The following CDH13 variants were observed in gnomAD, a reference collection of about 807,000 sequenced individuals.
CDH13 encodes cadherin-13.
A neutral mutation model predicts 63.8 loss-of-function variants in CDH13; 24 were observed. The observed-to-expected ratio is 0.38, with a 90% confidence interval of 0.27 to 0.53. The LOEUF is 0.53. Among genes scored for constraint, CDH13 ranks in the 20% least tolerant of loss-of-function variants. The probability of loss-of-function intolerance (pLI) is 0.85; values close to 1 mark genes in which losing one functional copy is unlikely to be tolerated. For missense variants in CDH13, 1,049 were observed against 903.1 expected (o/e 1.16, Z -2.07); for synonymous variants, 503 against 355.3 (o/e 1.42, Z -4.67).
rs1491151402 is a variant in CDH13, at chr16:83,014,839, T to TG, written c.158-17171_158-17170insG. ...TTGTATATATATATTTGTATATATA[T>TG]TTGTATATATATATTTGTATATATA... is the stretch of plus-strand genomic sequence containing the variant. On this transcript the variant is annotated intron_variant, in intron 2 of 13. Transcript: ENST00000567109. 1.2e-3 allele frequency among the ~76,000 whole-genome samples: 55 copies of TG among 46,170 alleles called. 2 individuals are homozygous for TG. The highest frequency in any genetic ancestry group is 5.7e-3 in the Admixed American group (19 of 3,360). The allele number at this position is 46,170 out of a possible 152,430, so 30.3% of individuals were successfully genotyped here. A position where few individuals can be genotyped will look rare whatever the true frequency, so the allele number is the denominator to read the frequency against.
At chr16:83,273,000 A>G (rs2088872080) in intron 5 of CDH13, among the ~76,000 whole-genome samples, 1 of 150,326 alleles carries the variant, frequency 6.7e-6, no homozygotes, top group African/African-American at 2.5e-5. Context: ...CCCAATCTGC[A>G]GTGTGACTGG....
intron 6 of CDH13, among the ~76,000 whole-genome samples, chr16:83,435,029 G>A (rs2072252454): frequency 8.4e-6 from 1 of 119,522 alleles, no homozygotes; most frequent in Non-Finnish European, 1.8e-5. Context: ...ATATATGAAG[G>A]AACATAGGGT....
intron 7 of CDH13, among the ~76,000 whole-genome samples, chr16:83,528,793 G>T (rs796297909): frequency 2.6e-5 from 4 of 152,112 alleles, no homozygotes; most frequent in African/African-American, 9.7e-5. Context: ...TCCATGTCTC[G>T]TTTAGCATTG....
intron 1 of CDH13, among the ~76,000 whole-genome samples, chr16:82,799,725 G>GA (rs569829413): frequency 1.1e-3 from 164 of 152,240 alleles, no homozygotes; most frequent in Non-Finnish European, 2.0e-3. Flanking sequence ...TTTACAAATA[G>GA]AAAAAAATAT....
intron 10 of CDH13, among the ~76,000 whole-genome samples, chr16:83,686,691 T>A (rs1292684827): frequency 6.6e-6 from 1 of 152,140 alleles, no homozygotes; most frequent in Non-Finnish European, 1.5e-5. Flanking sequence ...AAACATGTGA[T>A]AGGAAAAAAA....
At chr16:83,224,866 C>T (rs759426834) in intron 5 of CDH13, among the ~76,000 whole-genome samples, 9 of 152,250 alleles carry the variant, frequency 5.9e-5, no homozygotes, top group Middle Eastern at 3.4e-3. Context: ...GAATTGGGAG[C>T]CAGCCTGCCA....
At position 83,041,968 on chromosome 16, in the gene CDH13, CCT is replaced by C. The variant is rs1298535753; in HGVS notation, c.366+9753_366+9754del. Among the ~76,000 whole-genome samples the C allele has an allele frequency of 2.0e-5, 3 of 152,188 alleles. No individual in the cohort carries two copies. In the South Asian group the frequency reaches 6.2e-4, roughly 32 times the overall value. ...TGCTATCACTTCTATACATTTTTCC[CCT>C]CTTTCCTGATCTCACACGTTCTAGA... On this transcript the variant is annotated intron_variant, in intron 3 of 13. Transcript: ENST00000567109.
chr16:83,569,354 C>T (rs1394199039), intron 7 of CDH13, among the ~76,000 whole-genome samples: 1 of 152,152 alleles, frequency 6.6e-6, no homozygotes, highest in African/African-American at 2.4e-5. Context: ...ACAGATTGTC[C>T]CTGTAAGCCA....
intron 5 of CDH13, among the ~76,000 whole-genome samples, chr16:83,326,540 C>A (rs1311421794): frequency 6.6e-6 from 1 of 151,116 alleles, no homozygotes; most frequent in African/African-American, 2.4e-5. Flanking sequence ...TTCAACCGAA[C>A]AAAATTCAGA....
At chr16:82,696,716 T>C (rs748706964) in intron 1 of CDH13, among the ~76,000 whole-genome samples, 1 of 152,252 alleles carries the variant, frequency 6.6e-6, no homozygotes, top group Admixed American at 6.5e-5. Context: ...TATCTATGTA[T>C]GTTAATTATC....
intron 7 of CDH13, among the ~76,000 whole-genome samples, chr16:83,601,872 A>G (rs1369797172): frequency 6.6e-6 from 1 of 152,048 alleles, no homozygotes; most frequent in Admixed American, 6.6e-5. Context: ...AGGCAGGCAG[A>G]TCACGAGGTC....
At position 83,484,187 on chromosome 16, in the gene CDH13, A is replaced by G. The variant is rs1040102659; in HGVS notation, c.782-2290A>G. 1.4e-4 allele frequency among the ~76,000 whole-genome samples: 22 copies of G among 151,858 alleles called. 1 individual carries two copies. The highest frequency in any genetic ancestry group is 4.4e-4 in the African/African-American group (18 of 41,234). The stretch of plus-strand genomic sequence containing the variant: ...GATACTCTGATTCCAGTGGTGGGGG[A>G]AAAAAAACTGGCTTTGATGATTAGA... On this transcript the variant is annotated intron_variant, in intron 6 of 13. Transcript: ENST00000567109.
chr16:83,169,547 A>C (rs2037833593), intron 4 of CDH13, among the ~76,000 whole-genome samples: 1 of 148,740 alleles, frequency 6.7e-6, no homozygotes, highest in African/African-American at 2.6e-5. Flanking sequence ...GCCATTTAAA[A>C]AACAGTGGTA....
At chr16:83,765,980 A>G (rs149793052) in intron 11 of CDH13, among the ~76,000 whole-genome samples, 1 of 152,296 alleles carries the variant, frequency 6.6e-6, no homozygotes, top group East Asian at 1.9e-4. Context: ...ATTTGGGGCC[A>G]TAGATTGTAC....
At chr16:83,519,761 G>A (rs375800380) in intron 7 of CDH13, among the ~76,000 whole-genome samples, 3 of 152,262 alleles carry the variant, frequency 2.0e-5, no homozygotes, top group Middle Eastern at 3.4e-3. Context: ...CTCAATACAA[G>A]CAGCATGGCA....
At chr16:82,998,727 A>G (rs917433893) in intron 2 of CDH13, among the ~76,000 whole-genome samples, 1 of 152,174 alleles carries the variant, frequency 6.6e-6, no homozygotes, top group Admixed American at 6.5e-5. Flanking sequence ...AGTATGTTCC[A>G]TATCCTTAGA....
At chr16:82,846,752 T>A (rs1426858931) in intron 1 of CDH13, among the ~76,000 whole-genome samples, 1 of 152,198 alleles carries the variant, frequency 6.6e-6, no homozygotes, top group Non-Finnish European at 1.5e-5. Flanking sequence ...CTCTAGTATC[T>A]AGGCCAGAGC....
chr16:83,767,327 T>G (rs896735443), intron 11 of CDH13, among the ~76,000 whole-genome samples: 2 of 152,172 alleles, frequency 1.3e-5, no homozygotes, highest in Non-Finnish European at 2.9e-5. Flanking sequence ...GGGGGCAGTT[T>G]TCCCCGTACT....
chr16:83,028,973 C>A (rs911713183), intron 2 of CDH13, among the ~76,000 whole-genome samples: 4 of 152,116 alleles, frequency 2.6e-5, no homozygotes, highest in African/African-American at 9.7e-5. Flanking sequence ...TCATTTACAA[C>A]CTGTGTGTAC....
Sources: allele counts gnomAD v4.1 joint callset (sites outside exome capture counted in the v4.1 genomes callset), GRCh38; gene constraint gnomAD v4.1.1; transcripts MANE v1.5; gene names NCBI Gene and HGNC (gene_info 2026-07-23, HGNC 2026-07-21).